COBLL1: variants seen among roughly 807,000 people sequenced by gnomAD.
COBLL1 encodes cordon-bleu WH2 repeat protein like 1.
In COBLL1, 50 loss-of-function variants were observed where a neutral mutation model predicts 94.8. The observed-to-expected ratio is 0.53, with a 90% CI of 0.42 to 0.67. The LOEUF (loss-of-function observed/expected upper bound fraction) is 0.67. Ranked by LOEUF, COBLL1 falls within the 30% of genes least tolerant of loss-of-function variation. The pLI is 0.00. For missense variants in COBLL1, 1,362 were observed against 1,348.7 expected (o/e 1.01, Z -0.15); for synonymous variants, 448 against 473.8 (o/e 0.95, Z 0.71).
chr2:164,724,379 A>G (rs560135247), intron 5 of COBLL1: 20 of 152,274 alleles, frequency 1.3e-4, no homozygotes, highest in African/African-American at 4.8e-4. Context: ...AATTTACAGG[A>G]AAGAGAGGGG....
intron 2 of COBLL1, among the ~76,000 whole-genome samples, chr2:164,832,818 C>T (rs1004047228): frequency 6.6e-6 from 1 of 151,790 alleles, no homozygotes; most frequent in Non-Finnish European, 1.5e-5. Context: ...CCGAGGCGGG[C>T]GGATCACCTG....
rs1298698034 is a variant in COBLL1, at chr2:164,681,048, A to G, written c.*4898T>C. On this transcript the variant is annotated 3_prime_UTR_variant, in exon 14 of 14. Coordinates refer to ENST00000652658, the MANE Select transcript of COBLL1 (RefSeq NM_001365672.2). ...GTATTTGTGTTGGATTTAGTAAGTC[A>G]TCTGTGAGATTCTGGAGGAAACAGC... The G allele has an allele frequency of 6.6e-6, 1 of 152,208 alleles. No homozygotes were observed. The highest frequency in any genetic ancestry group is 1.5e-5 in the Non-Finnish European group (1 of 68,036). 9.4% of individuals were successfully genotyped at this position (152,208 alleles called of 1,614,324 possible). A position where few individuals can be genotyped will look rare whatever the true frequency, so the allele number is the denominator to read the frequency against.
chr2:164,669,805 GAAT>G (rs1439059929), intron 1 of COBLL1, among the ~76,000 whole-genome samples: 1 of 152,178 alleles, frequency 6.6e-6, no homozygotes, highest in African/African-American at 2.4e-5. Flanking sequence ...CTGTAAATGG[GAAT>G]AATAATAATG....
At chr2:164,776,006 C>T (rs1688445519) in intron 2 of COBLL1, among the ~76,000 whole-genome samples, 1 of 151,862 alleles carries the variant, frequency 6.6e-6, no homozygotes, top group Non-Finnish European at 1.5e-5. Context: ...TACCTTGGTT[C>T]ATTCCTCTCT....
Position 164,841,801 on chromosome 2 carries a change from G to A in COBLL1, c.-142C>T. 1 of 579,992 alleles carries A rather than the reference G, an allele frequency of 1.7e-6. No individual in the cohort carries two copies. The highest frequency in any genetic ancestry group is 2.9e-6 in the Non-Finnish European group (1 of 340,906). 35.9% of individuals were successfully genotyped at this position (579,992 alleles called of 1,614,324 possible). The stretch of plus-strand genomic sequence containing the variant: ...TCCCCGGCCCGCGCTCTTGCCGCTC[G>A]GCTCTCAAGCCAGGACTTGAATGGA... On this transcript the variant is annotated 5_prime_UTR_variant, in exon 1 of 14. Transcript: ENST00000652658. The surrounding 1 kb of genome is among the most constrained non-coding windows in gnomAD (Gnocchi z 5.5).
intron 3 of COBLL1, among the ~76,000 whole-genome samples, chr2:164,733,435 T>A (rs1686130035): frequency 6.6e-6 from 1 of 152,198 alleles, no homozygotes; most frequent in Non-Finnish European, 1.5e-5. Flanking sequence ...TAAAAATGCC[T>A]CTTTGAGAGG....
chr2:164,788,517 G>T (rs571342273), intron 2 of COBLL1, among the ~76,000 whole-genome samples: 1 of 152,234 alleles, frequency 6.6e-6, no homozygotes, highest in African/African-American at 2.4e-5. Context: ...ACACCTATCA[G>T]CTGGACAACA....
At chr2:164,764,570 A>G (rs534859220) in intron 2 of COBLL1, among the ~76,000 whole-genome samples, 78 of 152,114 alleles carry the variant, frequency 5.1e-4, no homozygotes, top group Non-Finnish European at 1.1e-3. Context: ...TTTCCCACCA[A>G]AGGAATCAGG....
chr2:164,659,358 C>T (rs1301886931), intron 2 of COBLL1, among the ~76,000 whole-genome samples: 2 of 152,156 alleles, frequency 1.3e-5, no homozygotes, highest in East Asian at 3.9e-4. Flanking sequence ...ACTAAAAGGT[C>T]CCCTCGAGTG....
At position 164,683,191 on chromosome 2, in the gene COBLL1, T is replaced by A. The variant is rs1052155839; in HGVS notation, c.*2755A>T. The A allele has an allele frequency of 3.0e-4, 45 of 151,812 alleles. No homozygotes were observed. The highest frequency in any genetic ancestry group is 1.1e-3 in the African/African-American group (45 of 41,356). 9.4% of individuals were successfully genotyped at this position (151,812 alleles called of 1,614,324 possible). ...TTTATACTCTATCATATATATGTAA[T>A]CTGAATTATAATTTTAATATTATAT... On this transcript the variant is annotated 3_prime_UTR_variant, in exon 14 of 14. Transcript: ENST00000652658.
chr2:164,725,842 C>G (rs1685701146), intron 5 of COBLL1, among the ~76,000 whole-genome samples: 1 of 152,146 alleles, frequency 6.6e-6, no homozygotes, highest in African/African-American at 2.4e-5. Flanking sequence ...AACAGTAAGA[C>G]AAGCAAAGGC....
chr2:164,785,893 A>G (rs1053547334), intron 2 of COBLL1, among the ~76,000 whole-genome samples: 2 of 149,820 alleles, frequency 1.3e-5, no homozygotes, highest in Non-Finnish European at 3.0e-5. Context: ...AAATAGCTAG[A>G]GGAAATCCTC....
At chr2:164,804,582 C>T (rs914040108) in intron 2 of COBLL1, among the ~76,000 whole-genome samples, 2 of 152,112 alleles carry the variant, frequency 1.3e-5, no homozygotes, top group African/African-American at 4.8e-5. Flanking sequence ...TTTCTTATAA[C>T]GTGGCTGACA....
chr2:164,812,547 G>A (rs1437495325), intron 2 of COBLL1, among the ~76,000 whole-genome samples: 3 of 151,974 alleles, frequency 2.0e-5, no homozygotes, highest in Non-Finnish European at 4.4e-5. Context: ...ATGGTTAAGT[G>A]AATGTGAATG....
intron 7 of COBLL1, among the ~76,000 whole-genome samples, chr2:164,709,328 T>C (rs1180120845): frequency 6.6e-6 from 1 of 152,178 alleles, no homozygotes; most frequent in African/African-American, 2.4e-5. Flanking sequence ...AACCCTATTC[T>C]GTGACATTCA....
At chr2:164,673,421 T>G (rs1691280266) in intron 1 of COBLL1, among the ~76,000 whole-genome samples, 1 of 152,144 alleles carries the variant, frequency 6.6e-6, no homozygotes, top group Admixed American at 6.5e-5. Context: ...ACGCATGTAA[T>G]CCCAGCACTT....
At chr2:164,838,296 C>T (rs559862780) in intron 2 of COBLL1, among the ~76,000 whole-genome samples, 2 of 152,164 alleles carry the variant, frequency 1.3e-5, no homozygotes, top group African/African-American at 4.8e-5. Context: ...TTTGATGTTA[C>T]AATTATTATT....
rs758137553 is a variant in COBLL1 at position 164,805,337 on chromosome 2, C to CTCTATATA, written c.41+35818_41+35819insTATATAGA. Among the ~76,000 whole-genome samples, 71 of 17,050 alleles carry CTCTATATA rather than the reference C, an allele frequency of 4.2e-3. 3 individuals are homozygous for CTCTATATA. The highest frequency in any genetic ancestry group is 9.0e-3 in the Admixed American group (7 of 774). The allele number at this position is 17,050 out of a possible 152,430, so 11.2% of individuals were successfully genotyped here. The stretch of plus-strand genomic sequence containing the variant: ...TCTCTCTCTCTCTCTCTCTCTCTCT[C>CTCTATATA]TATATATATATATATATATATATAT... On this transcript the variant is annotated intron_variant, in intron 2 of 13. Transcript: ENST00000652658.
intron 7 of COBLL1, among the ~76,000 whole-genome samples, chr2:164,721,539 AC>A (rs781396432): frequency 8.5e-4 from 129 of 152,306 alleles, no homozygotes; most frequent in Admixed American, 1.4e-3. Flanking sequence ...CATAAAGGTA[AC>A]TGTGATATAT....
Sources: gnomAD v4.1 joint callset for allele counts (sites outside exome capture counted in the v4.1 genomes callset) on GRCh38, gnomAD v4.1.1 for gene constraint, Gnocchi (gnomAD v3.1) non-coding constraint, MANE v1.5 for transcripts, NCBI Gene and HGNC (gene_info 2026-07-23, HGNC 2026-07-21) for gene names.